Variants in ANKS1B observed in about 807,000 individuals in gnomAD.
ANKS1B encodes the protein ankyrin repeat and sterile alpha motif domain containing 1B.
ANKS1B carries 36 observed loss-of-function variants against 148.3 expected under a neutral mutation model. That is an observed-to-expected ratio of 0.24 (90% confidence interval 0.19 to 0.32). ANKS1B has a LOEUF of 0.32. Among genes scored for constraint, ANKS1B ranks in the 10% least tolerant of loss-of-function variants. The pLI, the probability that ANKS1B is intolerant of heterozygous loss-of-function variation, is 1.00. For missense variants in ANKS1B, 1,157 were observed against 1,542.6 expected (o/e 0.75, Z 4.19); for synonymous variants, 542 against 560.8 (o/e 0.97, Z 0.47).
chr12:98,757,251 T>C (rs1182001798), intron 25 of ANKS1B, among the ~76,000 whole-genome samples: 1 of 152,172 alleles, frequency 6.6e-6, no homozygotes, highest in Non-Finnish European at 1.5e-5. Context: ...CCCAGACAGA[T>C]GGCTCCAGTC....
At chr12:99,632,727 C>CTATATATATATATA (rs3081654) in intron 9 of ANKS1B, among the ~76,000 whole-genome samples, 559 of 38,674 alleles carry the variant, frequency 0.014, 25 homozygotes, top group Middle Eastern at 0.045. Flanking sequence ...CCTTTTCTTT[C>CTATATATATATATA]TATATATATA....
chr12:99,072,233 T>C (rs112453746), intron 16 of ANKS1B, among the ~76,000 whole-genome samples: 1 of 152,088 alleles, frequency 6.6e-6, no homozygotes, highest in African/African-American at 2.4e-5. Context: ...ACTTCTTGGC[T>C]CCAGGCAAAA....
intron 17 of ANKS1B, among the ~76,000 whole-genome samples, chr12:98,868,668 C>A (rs2099637862): frequency 6.6e-6 from 1 of 152,190 alleles, no homozygotes; most frequent in African/African-American, 2.4e-5. Flanking sequence ...TTGAAATCAC[C>A]AAAAGTCAAT....
intron 1 of ANKS1B, among the ~76,000 whole-genome samples, chr12:99,889,517 A>T (rs963716234): frequency 6.6e-6 from 1 of 152,182 alleles, no homozygotes; most frequent in Non-Finnish European, 1.5e-5. Flanking sequence ...ATCACCCATC[A>T]TTTTTCTAAC....
intron 17 of ANKS1B, among the ~76,000 whole-genome samples, chr12:98,851,685 G>T (rs759481832): frequency 1.3e-5 from 2 of 151,954 alleles, no homozygotes; most frequent in African/African-American, 4.8e-5. Context: ...GTGTATACTC[G>T]GTAAATACAA....
At chr12:99,252,762 C>T (rs572587666) in intron 12 of ANKS1B, among the ~76,000 whole-genome samples, 5 of 152,280 alleles carry the variant, frequency 3.3e-5, no homozygotes, top group Admixed American at 3.3e-4. Context: ...CATCTTGTAA[C>T]AAGACCACAG....
chr12:99,473,238 CT>C (rs998800011), intron 10 of ANKS1B, among the ~76,000 whole-genome samples: 1 of 151,844 alleles, frequency 6.6e-6, no homozygotes, highest in South Asian at 2.1e-4. Flanking sequence ...ATTCTGACTC[CT>C]TTTTTTCATT....
intron 14 of ANKS1B, among the ~76,000 whole-genome samples, chr12:99,237,377 G>A (rs149820958): frequency 3.7e-4 from 56 of 152,036 alleles, no homozygotes; most frequent in African/African-American, 1.2e-3. Flanking sequence ...ACACACATTT[G>A]GTGTCAATAC....
intron 19 of ANKS1B, among the ~76,000 whole-genome samples, chr12:98,821,531 T>C (rs1381692563): frequency 6.6e-6 from 1 of 152,128 alleles, no homozygotes. Context: ...CTCTCACATA[T>C]ACACACCCCT....
At chr12:99,716,305 T>C (rs560811795) in intron 8 of ANKS1B, among the ~76,000 whole-genome samples, 2 of 148,368 alleles carry the variant, frequency 1.3e-5, no homozygotes, top group African/African-American at 2.6e-5. Flanking sequence ...CTCTTATCTC[T>C]GCACCCCAAC....
At chr12:99,967,630 C>T (rs113928167) in intron 1 of ANKS1B, among the ~76,000 whole-genome samples, 1,947 of 152,080 alleles carry the variant, frequency 0.013, 18 homozygotes, top group Non-Finnish European at 0.023. Flanking sequence ...AAAATAGAAC[C>T]TGGCGCAGTG....
intron 8 of ANKS1B, among the ~76,000 whole-genome samples, chr12:99,734,537 G>A (rs946597690): frequency 6.6e-5 from 10 of 151,828 alleles, no homozygotes; most frequent in South Asian, 2.1e-4. Flanking sequence ...CAGGTGATCC[G>A]CCCGCCTCAG....
chr12:99,684,518 G>C (rs1016990889), intron 8 of ANKS1B, among the ~76,000 whole-genome samples: 17 of 151,854 alleles, frequency 1.1e-4, no homozygotes, highest in African/African-American at 3.9e-4. Context: ...CTCATGAATG[G>C]GTAGTATCAA....
chr12:99,010,750 TATTA>T (rs2099938855), intron 17 of ANKS1B, among the ~76,000 whole-genome samples: 1 of 131,086 alleles, frequency 7.6e-6, no homozygotes, highest in African/African-American at 3.3e-5. Context: ...TTATTATTAT[TATTA>T]TTATTATTTT....
chr12:99,853,463 G>C lies in ANKS1B; in HGVS notation c.135-28074C>G, dbSNP rs144722800. Among the ~76,000 whole-genome samples the C allele has an allele frequency of 1.9e-4, 29 of 152,234 alleles. No homozygotes were observed. The East Asian group carries it at 5.0e-3, about 26-fold the overall frequency. On this transcript the variant is annotated intron_variant, in intron 1 of 26. Coordinates refer to ENST00000683438, the MANE Select transcript of ANKS1B (RefSeq NM_001352186.2). ...CCAGAGCCTGGTAGCTCTGCTAGGA[G>C]ACTAGATTCAGAAGAGAAATAACCC...
intron 12 of ANKS1B, among the ~76,000 whole-genome samples, chr12:99,383,879 A>C (rs1036738430): frequency 3.3e-5 from 5 of 150,884 alleles, no homozygotes; most frequent in Non-Finnish European, 7.4e-5. Context: ...AAAAGAAAAG[A>C]AGTAACTGGG....
At chr12:99,666,297 A>G (rs1439949123) in intron 8 of ANKS1B, among the ~76,000 whole-genome samples, 1 of 152,208 alleles carries the variant, frequency 6.6e-6, no homozygotes, top group Non-Finnish European at 1.5e-5. Context: ...TTGCATATAA[A>G]TTTTAGAGTA....
intron 9 of ANKS1B, among the ~76,000 whole-genome samples, chr12:99,515,221 A>G (rs2096804974): frequency 6.6e-6 from 1 of 152,022 alleles, no homozygotes; most frequent in African/African-American, 2.4e-5. Context: ...TTAAATTGTT[A>G]TTGACTATAG....
chr12:99,285,476 A>G (rs1602416998), intron 12 of ANKS1B, among the ~76,000 whole-genome samples: 1 of 152,338 alleles, frequency 6.6e-6, no homozygotes, highest in East Asian at 1.9e-4. Flanking sequence ...TTCAAAAAAT[A>G]TCTAGGTATA....
Sources: gnomAD v4.1 joint callset for allele counts (sites outside exome capture counted in the v4.1 genomes callset) on GRCh38, gnomAD v4.1.1 for gene constraint, MANE v1.5 for transcripts, NCBI Gene and HGNC (gene_info 2026-07-23, HGNC 2026-07-21) for gene names.